BOD1L1: variants seen among roughly 807,000 people sequenced by gnomAD.
BOD1L1 encodes the protein biorientation of chromosomes in cell division protein 1-like 1.
In BOD1L1, 86 loss-of-function variants were observed where a neutral mutation model predicts 240.7. The ratio of observed to expected loss-of-function variants is 0.36; its 90% CI spans 0.30 to 0.43. BOD1L1 has a LOEUF of 0.43. Ranked by LOEUF, BOD1L1 falls within the 20% of genes least tolerant of loss-of-function variation. BOD1L1 has a pLI of 1.00. For synonymous variants in BOD1L1, 1,268 were observed against 1,272.3 expected (o/e 1.00, Z 0.07); for missense variants, 3,554 against 3,643.5 (o/e 0.98, Z 0.63).
chr4:13,619,409 T>G (rs946705997), intron 2 of BOD1L1, among the ~76,000 whole-genome samples: 1 of 151,592 alleles, frequency 6.6e-6, no homozygotes, highest in African/African-American at 2.4e-5. Context: ...TCACTCAAAA[T>G]GGCTCTGACA....
chr4:13,576,051 C>T (rs1197611165), intron 25 of BOD1L1, among the ~76,000 whole-genome samples: 1 of 151,808 alleles, frequency 6.6e-6, no homozygotes, highest in African/African-American at 2.4e-5. Flanking sequence ...TACAGGCACT[C>T]ACCACCATGC....
At chr4:13,626,250 GGCGGAGGTT>G (rs1577391602) in intron 1 of BOD1L1, 1 of 152,256 alleles carries the variant, frequency 6.6e-6, no homozygotes, top group Non-Finnish European at 1.5e-5. Flanking sequence ...GAACCCGGGA[GGCGGAGGTT>G]GCAGTGAGCC....
chr4:13,624,789 G>A (rs1219563571), intron 1 of BOD1L1: 1 of 152,186 alleles, frequency 6.6e-6, no homozygotes, highest in Non-Finnish European at 1.5e-5. Flanking sequence ...GCACCTGGCA[G>A]GTATCAAATG....
chr4:13,577,652 C>A, intron 22 of BOD1L1, 21 bp from the exon 23 acceptor site: 2 of 1,514,942 alleles, frequency 1.3e-6, no homozygotes, highest in South Asian at 1.2e-5. Flanking sequence ...AGGGAAATCT[C>A]TGCATTAATA....
intron 12 of BOD1L1, 101 bp downstream of exon 12, chr4:13,595,759 G>T: frequency 1.2e-6 from 1 of 822,100 alleles, no homozygotes; most frequent in Non-Finnish European, 2.0e-6. Flanking sequence ...AGTTAATAGA[G>T]CCTGTATGTT....
In BOD1L1 at chr4:13,582,640, T is replaced by C; in HGVS notation, c.8518+12A>G. ...GGCTCAGTCAATTTACCCAAGCAGA[T>C]ATTTTACTCACCTTTTTCTTCCATG... On this transcript the variant is annotated intron_variant, in intron 18 of 25. Transcript: ENST00000040738. 1.3e-6 allele frequency: 2 copies of C among 1,592,354 alleles called. No homozygotes were observed. The highest frequency in any genetic ancestry group is 2.2e-5 in the East Asian group (1 of 44,798).
chr4:13,591,936 T>A lies in BOD1L1; in HGVS notation c.8135A>T (p.Asn2712Ile), dbSNP rs1714252230. ...ACAGTGACTTACATTTAGTGATTCA[T>A]TCACCAACAAAGGCTCCCTCTGGAG... ...AELQREPLLV[N>I]ESLNVENSGF... Residue 2712 changes from asparagine to isoleucine, a missense_variant, in exon 13 of 26, where the codon AAT becomes ATT. Around this residue, in one of 2 missense-constraint regions of BOD1L1, gnomAD observed 3,393 missense variants for 3,427.1 expected, o/e 0.99. Transcript: ENST00000040738. 1.9e-6 allele frequency: 3 copies of A among 1,564,952 alleles called. No individual in the cohort carries two copies. Among genetic ancestry groups the A allele is most frequent in the Non-Finnish European group, 1.7e-6 (2 of 1,154,562 alleles).
chr4:13,586,297 T>C (rs762567482), intron 17 of BOD1L1, 99 bp downstream of exon 17: 17 of 565,288 alleles, frequency 3.0e-5, no homozygotes, highest in African/African-American at 7.7e-5. Context: ...TAAAGAGGGA[T>C]AGTAAAATGA....
Position 13,614,416 on chromosome 4 carries a change from T to C in BOD1L1, c.954A>G (p.Ser318=), listed in dbSNP as rs144100688. Residue 318 remains serine, a synonymous_variant, in exon 4 of 26, where the codon TCA becomes TCG. Transcript: ENST00000040738. ...CTGGCTTCTTTTCACCTTTGTCTGT[T>C]GATTTATTTTTTTGCTCACTGCTTT... ...QQESSEQKNK[S]TDKGEKKPDS... is the part of the protein sequence containing the mutation. 3.6e-4 allele frequency: 579 copies of C among 1,593,126 alleles called. 2 individuals are homozygous for C. In the African/African-American group the frequency reaches 6.9e-3, roughly 19 times the overall value.
chr4:13,579,950 G>A lies in BOD1L1; in HGVS notation c.8727C>T (p.Ser2909=), dbSNP rs375488550. 43 of 1,560,482 alleles carry A rather than the reference G, an allele frequency of 2.8e-5. No individual in the cohort carries two copies. Among genetic ancestry groups the A allele is most frequent in the Non-Finnish European group, 3.4e-5 (39 of 1,151,196 alleles). The change falls in exon 22 of 26, where the codon AGC becomes AGT. Residue 2909 remains serine, a synonymous_variant. Coordinates refer to ENST00000040738, the MANE Select transcript of BOD1L1 (RefSeq NM_148894.3). ...TACCTGTTTGCATTACTTTCAGTTTGCTGCTAGATGGAGATTGTTCTACCT... is the reference window on the plus strand; with the variant it reads ...TACCTGTTTGCATTACTTTCAGTTTACTGCTAGATGGAGATTGTTCTACCT... ...IVTVEQSPSS[S]KLKVMQTDES...
At chr4:13,579,495 A>C (rs764822060) in intron 22 of BOD1L1, among the ~76,000 whole-genome samples, 14 of 152,226 alleles carry the variant, frequency 9.2e-5, no homozygotes, top group Non-Finnish European at 1.9e-4. Flanking sequence ...AATAGCTGTC[A>C]CATTAATCTT....
In BOD1L1 at chr4:13,569,961, T is replaced by C. The variant is rs755867029; in HGVS notation, c.*50A>G. 118 of 1,368,454 alleles carry C rather than the reference T, an allele frequency of 8.6e-5. No homozygotes were observed. The highest frequency in any genetic ancestry group is 1.1e-4 in the Non-Finnish European group (110 of 1,029,568). 84.8% of individuals were successfully genotyped at this position (1,368,454 alleles called of 1,614,324 possible). On this transcript the variant is annotated 3_prime_UTR_variant, in exon 26 of 26. Coordinates refer to ENST00000040738, the MANE Select transcript of BOD1L1 (RefSeq NM_148894.3). Reference sequence around the variant, plus strand: ...GCCTATGGCCACCAAGGCATGTCTCTTTCCTCTCCACCGTGTTCCTCCATA... The same window carrying C: ...GCCTATGGCCACCAAGGCATGTCTCCTTCCTCTCCACCGTGTTCCTCCATA...
intron 2 of BOD1L1, among the ~76,000 whole-genome samples, chr4:13,616,104 ATTACG>A (rs1716574270): frequency 6.6e-6 from 1 of 152,204 alleles, no homozygotes; most frequent in Non-Finnish European, 1.5e-5. Flanking sequence ...TCATTCAACA[ATTACG>A]TTATAAGTGT....
intron 13 of BOD1L1, among the ~76,000 whole-genome samples, chr4:13,591,500 G>A (rs1714211771): frequency 6.6e-6 from 1 of 152,182 alleles, no homozygotes; most frequent in East Asian, 1.9e-4. Context: ...TTTCAAGAAT[G>A]AACGGGATTA....
At chr4:13,624,585 C>T (rs1717258837) in intron 1 of BOD1L1, 1 of 152,100 alleles carries the variant, frequency 6.6e-6, no homozygotes, top group South Asian at 2.1e-4. Context: ...TACATGGCTA[C>T]TTTTTTTGTA....
At position 13,604,035 on chromosome 4, in the gene BOD1L1, C is replaced by T; in HGVS notation, c.2865G>A (p.Gln955=). 1.2e-6 allele frequency: 2 copies of T among 1,613,904 alleles called. No homozygotes were observed. The highest frequency in any genetic ancestry group is 1.7e-6 in the Non-Finnish European group (2 of 1,179,864). Residue 955 remains glutamine (Q), a synonymous_variant, in exon 10 of 26, where the codon CAG becomes CAA. Coordinates refer to ENST00000040738, the MANE Select transcript of BOD1L1 (RefSeq NM_148894.3). ...GTTTGTCTTCAACTTTAGACTTACG[C>T]TGTTTTTCTGAGTCATTTTCTTCTG... ...KNTEENDSEK[Q]RKSKVEDKPF...
chr4:13,612,358 C>T (rs977509709), intron 5 of BOD1L1, among the ~76,000 whole-genome samples: 3 of 152,082 alleles, frequency 2.0e-5, no homozygotes, highest in Non-Finnish European at 4.4e-5. Context: ...AACTAATAGT[C>T]CTAAACAGAA....
chr4:13,609,466 T>C, intron 6 of BOD1L1, 60 bp from the exon 7 acceptor site: 8 of 1,152,096 alleles, frequency 6.9e-6, no homozygotes, highest in Non-Finnish European at 9.4e-6. Context: ...ACTGAAAAAT[T>C]GTATTTTTTT....
At chr4:13,622,579 C>T (rs1717113796) in intron 1 of BOD1L1, among the ~76,000 whole-genome samples, 2 of 152,192 alleles carry the variant, frequency 1.3e-5, no homozygotes, top group Admixed American at 1.3e-4. Flanking sequence ...AGCAAATTCT[C>T]TCAACAGTAG....
Sources: gnomAD v4.1 joint callset for allele counts (sites outside exome capture counted in the v4.1 genomes callset) on GRCh38, gnomAD v4.1.1 for gene constraint, gnomAD v4.1.1 regional missense constraint, MANE v1.5 for transcripts, NCBI Gene and HGNC (gene_info 2026-07-23, HGNC 2026-07-21) for gene names.